RUNX2: variants seen among roughly 807,000 people sequenced by gnomAD.
RUNX2 encodes the protein runt-related transcription factor 2.
RUNX2 carries 10 observed loss-of-function variants against 51.7 expected under a neutral mutation model. The ratio of observed to expected loss-of-function variants is 0.19; its 90% CI spans 0.12 to 0.33. The LOEUF (loss-of-function observed/expected upper bound fraction) is 0.33, where lower values mean the gene tolerates loss of function less well. Among genes scored for constraint, RUNX2 ranks in the 10% least tolerant of loss-of-function variants. The pLI is 1.00. For synonymous variants in RUNX2, 276 were observed against 273.6 expected, an observed-to-expected ratio of 1.01 and a Z score of -0.09; for missense variants, 562 against 691.3, an observed-to-expected ratio of 0.81 and a Z score of 2.10.
At position 45,546,841 on chromosome 6, in the gene RUNX2, G is replaced by T; in HGVS notation, c.1102G>T (p.Gly368Cys). ...ATAATTTTTAGGTGCTTCAGAACTG[G>T]GCCCTTTTTCAGACCCCAGGCAGTT... ...KKSQAGASEL[G>C]PFSDPRQFPS... The change falls in exon 9 of 9, where the codon GGC becomes TGC. Residue 368 changes from glycine to cysteine, a missense_variant. Physicochemically the swap from Gly to Cys is radical, Grantham distance 159. Transcript: ENST00000647337. 3 of 1,613,606 alleles carry T rather than the reference G, an allele frequency of 1.9e-6. No homozygotes were observed. Among genetic ancestry groups the T allele is most frequent in the Non-Finnish European group, 2.5e-6 (3 of 1,179,850 alleles).
At chr6:45,469,807 T>C (rs2150392348) in intron 5 of RUNX2, among the ~76,000 whole-genome samples, 1 of 152,294 alleles carries the variant, frequency 6.6e-6, no homozygotes, top group South Asian at 2.1e-4. Flanking sequence ...TTTTTGAGTA[T>C]CCCTCTCCAA....
intron 2 of RUNX2, among the ~76,000 whole-genome samples, chr6:45,377,090 G>A (rs1212143587): frequency 1.4e-5 from 2 of 142,404 alleles, no homozygotes; most frequent in South Asian, 2.2e-4. Context: ...GATTCTCTGA[G>A]AAAATAAGGT....
Position 45,545,256 on chromosome 6 carries a change from C to G in RUNX2, c.1061C>G (p.Ser354Cys), listed in dbSNP as rs1802362818. ...TATSDFCLWP[S>C]TLSKKSQAGA... ...ACCTCTGACTTCTGCCTCTGGCCTT[C>G]CACTCTCAGTAAGAAGAGCCAGGCA... is the stretch of plus-strand genomic sequence containing the variant. Residue 354 changes from serine (S) to cysteine (C), a missense_variant, in exon 8 of 9, where the codon TCC becomes TGC. Ser to Cys is a moderately radical substitution (Grantham distance 112). Transcript: ENST00000647337. 6.5e-7 allele frequency: 1 copy of G among 1,550,370 alleles called. No individual in the cohort carries two copies. Among genetic ancestry groups the G allele is most frequent in the African/African-American group, 1.4e-5 (1 of 73,020 alleles).
chr6:45,420,831 G>A (rs1798166273), intron 2 of RUNX2, among the ~76,000 whole-genome samples: 1 of 152,172 alleles, frequency 6.6e-6, no homozygotes, highest in Non-Finnish European at 1.5e-5. Flanking sequence ...GTTTGAGGCT[G>A]GTCGTAGACA....
At chr6:45,483,352 T>C (rs1412344910) in intron 5 of RUNX2, among the ~76,000 whole-genome samples, 1 of 73,044 alleles carries the variant, frequency 1.4e-5, no homozygotes, top group East Asian at 2.2e-4. Flanking sequence ...AATAACCAGC[T>C]TTTTTTTTTT....
chr6:45,440,335 A>G (rs1160013613), intron 5 of RUNX2, among the ~76,000 whole-genome samples: 1 of 152,152 alleles, frequency 6.6e-6, no homozygotes, highest in Non-Finnish European at 1.5e-5. Flanking sequence ...TTTAATTTTG[A>G]CACTCCCAGG....
intron 4 of RUNX2, among the ~76,000 whole-genome samples, chr6:45,434,574 T>C (rs187917195): frequency 1.2e-3 from 177 of 152,326 alleles, no homozygotes; most frequent in African/African-American, 3.9e-3. Flanking sequence ...CTTTTGAAAG[T>C]GCTAGAATAA....
chr6:45,440,932 C>CAGTCCTATG (rs1310743834), intron 5 of RUNX2, among the ~76,000 whole-genome samples: 2 of 152,228 alleles, frequency 1.3e-5, no homozygotes, highest in Admixed American at 6.5e-5. Context: ...ATCTGTATTC[C>CAGTCCTATG]ACTAAAATTT....
intron 2 of RUNX2, among the ~76,000 whole-genome samples, chr6:45,355,853 T>G (rs958763010): frequency 2.4e-4 from 37 of 152,280 alleles, no homozygotes; most frequent in African/African-American, 8.7e-4. Context: ...AGAATGTTAT[T>G]TTTGTTGAAT....
At chr6:45,535,981 C>A (rs962079720) in intron 7 of RUNX2, among the ~76,000 whole-genome samples, 1 of 151,906 alleles carries the variant, frequency 6.6e-6, no homozygotes, top group African/African-American at 2.4e-5. Flanking sequence ...GCCCTTAACA[C>A]AGAGTCTAGA....
chr6:45,546,011 C>T (rs775207610), intron 8 of RUNX2, among the ~76,000 whole-genome samples: 25 of 152,120 alleles, frequency 1.6e-4, no homozygotes, highest in Non-Finnish European at 3.2e-4. Context: ...GCCTGGGAGA[C>T]GGGTGGGGAG....
At chr6:45,420,917 A>T (rs1204744287) in intron 2 of RUNX2, among the ~76,000 whole-genome samples, 1 of 152,198 alleles carries the variant, frequency 6.6e-6, no homozygotes, top group African/African-American at 2.4e-5. Flanking sequence ...CAAAAACCTA[A>T]TCATTAGAAA....
intron 2 of RUNX2, among the ~76,000 whole-genome samples, chr6:45,402,787 G>C (rs56082011): frequency 0.014 from 2,109 of 152,192 alleles, 55 homozygotes; most frequent in African/African-American, 0.048. Flanking sequence ...TAGGAGGATT[G>C]TTTGAACCTG....
At chr6:45,342,780 A>C (rs1273922466) in intron 2 of RUNX2, among the ~76,000 whole-genome samples, 1 of 152,208 alleles carries the variant, frequency 6.6e-6, no homozygotes, top group African/African-American at 2.4e-5. Flanking sequence ...CCCATACAAA[A>C]AAATACATAT....
chr6:45,422,203 C>A, intron 2 of RUNX2: 1 of 218,158 alleles, frequency 4.6e-6, no homozygotes, highest in South Asian at 6.1e-5. Flanking sequence ...GGGGCGCCAG[C>A]GCACCCAGGA....
chr6:45,485,673 A>ATG (rs370831246), intron 5 of RUNX2, among the ~76,000 whole-genome samples: 4,528 of 124,236 alleles, frequency 0.036, 234 homozygotes, highest in African/African-American at 0.091. Context: ...ATGGATATGT[A>ATG]TGTGTGTGTG....
intron 2 of RUNX2, among the ~76,000 whole-genome samples, chr6:45,410,758 C>T (rs756910822): frequency 6.6e-6 from 1 of 152,094 alleles, no homozygotes; most frequent in Non-Finnish European, 1.5e-5. Context: ...GACTGTGCAC[C>T]GAGCCTTGGG....
chr6:45,466,191 T>C (rs534503390), intron 5 of RUNX2, among the ~76,000 whole-genome samples: 1 of 151,722 alleles, frequency 6.6e-6, no homozygotes, highest in South Asian at 2.1e-4. Flanking sequence ...TGGGCGCCTG[T>C]AATCCTAGCT....
chr6:45,347,230 A>G (rs1791064579), intron 2 of RUNX2, among the ~76,000 whole-genome samples: 1 of 152,182 alleles, frequency 6.6e-6, no homozygotes, highest in African/African-American at 2.4e-5. Context: ...CTTAGAATTA[A>G]GAGATATAGT....
Sources: allele counts gnomAD v4.1 joint callset (sites outside exome capture counted in the v4.1 genomes callset), GRCh38; gene constraint gnomAD v4.1.1; transcripts MANE v1.5; gene names NCBI Gene and HGNC (gene_info 2026-07-23, HGNC 2026-07-21).